The following PPP3CA variants were observed in gnomAD, a reference collection of about 807,000 sequenced individuals.
The protein encoded by PPP3CA is CAM-PRP catalytic subunit.
A neutral mutation model predicts 66.5 loss-of-function variants in PPP3CA; 14 were observed. The observed-to-expected ratio is 0.21, with a 90% CI of 0.14 to 0.33. The LOEUF (loss-of-function observed/expected upper bound fraction) is 0.33, where lower values mean the gene tolerates loss of function less well. Ranked by LOEUF, PPP3CA falls within the 10% of genes least tolerant of loss-of-function variation. PPP3CA has a pLI of 1.00. For missense variants in PPP3CA, 317 were observed against 639.5 expected (o/e 0.50, Z 5.44); for synonymous variants, 232 against 226.2 (o/e 1.03, Z -0.23).
intron 1 of PPP3CA, among the ~76,000 whole-genome samples, chr4:101,311,656 T>C (rs745341699): frequency 1.3e-5 from 2 of 152,200 alleles, no homozygotes; most frequent in African/African-American, 4.8e-5. Flanking sequence ...GGCGTGTGTC[T>C]GTAATCTCAG....
intron 2 of PPP3CA, among the ~76,000 whole-genome samples, chr4:101,161,706 T>G (rs1723514797): frequency 6.6e-6 from 1 of 152,104 alleles, no homozygotes. Flanking sequence ...TCTGAACAAA[T>G]TCAAGTAAAG....
chr4:101,333,799 G>T (rs1729531523), intron 1 of PPP3CA, among the ~76,000 whole-genome samples: 1 of 152,170 alleles, frequency 6.6e-6, no homozygotes, highest in South Asian at 2.1e-4. Flanking sequence ...TATGAAGGCA[G>T]CTTATCACTC....
At chr4:101,059,903 C>G (rs1476915344) in intron 10 of PPP3CA, among the ~76,000 whole-genome samples, 1 of 152,048 alleles carries the variant, frequency 6.6e-6, no homozygotes, top group Non-Finnish European at 1.5e-5. Context: ...CTCCAGACTA[C>G]TTAACAATAC....
chr4:101,177,552 A>C (rs1724102070), intron 2 of PPP3CA, among the ~76,000 whole-genome samples: 1 of 152,134 alleles, frequency 6.6e-6, no homozygotes, highest in Non-Finnish European at 1.5e-5. Flanking sequence ...AATGTCAAGA[A>C]GATCCTAAAC....
At chr4:101,195,567 T>G (rs1327460041) in intron 2 of PPP3CA, among the ~76,000 whole-genome samples, 1 of 152,126 alleles carries the variant, frequency 6.6e-6, no homozygotes, top group African/African-American at 2.4e-5. Context: ...ACTCAACCAT[T>G]GTGGAAGTCT....
In PPP3CA at chr4:101,104,575, G is replaced by A. The variant is rs571492419; in HGVS notation, c.384+4379C>T. On this transcript the variant is annotated intron_variant, in intron 3 of 13. Transcript: ENST00000394854. The stretch of plus-strand genomic sequence containing the variant: ...CTGCCATTTACCACGTGTGACCCCC[G>A]AGCCTCAGTTACTGCACTCATAAAA... Among the ~76,000 whole-genome samples the A allele has an allele frequency of 5.3e-5, 8 of 152,024 alleles. No individual in the cohort carries two copies. The East Asian group carries it at 1.2e-3, about 22-fold the overall frequency.
Position 101,233,946 on chromosome 4 carries a change from T to C in PPP3CA, c.59-37830A>G, listed in dbSNP as rs533501249. The stretch of plus-strand genomic sequence containing the variant: ...TCTGTCTGCTGCTACCCTCTTTGTG[T>C]CCATGTGTTTTCATTATTTAGCTCC... On this transcript the variant is annotated intron_variant, in intron 1 of 13. Transcript: ENST00000394854. 7.2e-5 allele frequency among the ~76,000 whole-genome samples: 11 copies of C among 151,898 alleles called. No homozygotes were observed. In the East Asian group the frequency reaches 2.1e-3, roughly 30 times the overall value.
At chr4:101,262,079 G>A (rs1393724773) in intron 1 of PPP3CA, among the ~76,000 whole-genome samples, 1 of 151,730 alleles carries the variant, frequency 6.6e-6, no homozygotes, top group African/African-American at 2.4e-5. Context: ...CAGGAACTAA[G>A]GTAAATACAA....
chr4:101,206,699 G>T (rs1337459520), intron 1 of PPP3CA, among the ~76,000 whole-genome samples: 1 of 152,186 alleles, frequency 6.6e-6, no homozygotes, highest in African/African-American at 2.4e-5. Flanking sequence ...TCTGGCATTT[G>T]ATATGTGTTT....
chr4:101,222,326 C>T (rs1725652190), intron 1 of PPP3CA, among the ~76,000 whole-genome samples: 2 of 151,616 alleles, frequency 1.3e-5, no homozygotes, highest in South Asian at 4.1e-4. Context: ...ATTCATTTCC[C>T]CACAGAATCA....
Position 101,079,288 on chromosome 4 carries a change from C to T in PPP3CA, c.955+1244G>A, listed in dbSNP as rs1166291716. ...AATTCCAGGAGTTTTCAGACTGGTG[C>T]AGAAACTAGGCTGCCTTTTACCACC... is the stretch of plus-strand genomic sequence containing the variant. On this transcript the variant is annotated intron_variant, in intron 8 of 13. Transcript: ENST00000394854. Among the ~76,000 whole-genome samples the T allele has an allele frequency of 2.0e-5, 3 of 152,090 alleles. No homozygotes were observed. The East Asian group carries it at 5.8e-4, about 29-fold the overall frequency.
chr4:101,185,615 T>G (rs1006363103), intron 2 of PPP3CA, among the ~76,000 whole-genome samples: 2 of 152,196 alleles, frequency 1.3e-5, no homozygotes, highest in Non-Finnish European at 2.9e-5. Flanking sequence ...GTTGAGGGAA[T>G]AATTTGATGC....
intron 1 of PPP3CA, among the ~76,000 whole-genome samples, chr4:101,234,423 CATT>C (rs1449010221): frequency 1.3e-5 from 2 of 151,804 alleles, no homozygotes; most frequent in Non-Finnish European, 2.9e-5. Context: ...AGTTAATAGC[CATT>C]CTGACTGGTG....
At position 101,028,912 on chromosome 4, in the gene PPP3CA, T is replaced by C. The variant is rs72927389; in HGVS notation, c.1369+254A>G. ...CCCACCCCACATCATTCAAAATATA[T>C]AATCCTTTTGTTTTCTGTGATTATA... On this transcript the variant is annotated intron_variant, in intron 13 of 13. Transcript: ENST00000394854. Among the ~76,000 whole-genome samples the C allele has an allele frequency of 2.1e-3, 315 of 152,264 alleles. 1 individual carries two copies. Among genetic ancestry groups the C allele is most frequent in the African/African-American group, 7.3e-3 (302 of 41,550 alleles).
At chr4:101,029,006 A>G (rs922209147) in intron 13 of PPP3CA, among the ~76,000 whole-genome samples, 160 bp downstream of exon 13, 19 of 152,162 alleles carry the variant, frequency 1.2e-4, no homozygotes, top group Non-Finnish European at 2.1e-4. Context: ...CCATAGAAGG[A>G]CATTTTCCCC....
chr4:101,144,585 C>A (rs1722912246), intron 2 of PPP3CA, among the ~76,000 whole-genome samples: 1 of 152,164 alleles, frequency 6.6e-6, no homozygotes, highest in South Asian at 2.1e-4. Flanking sequence ...ATTGTTCTTG[C>A]TTTACACATG....
chr4:101,108,193 A>C (rs914395429), intron 3 of PPP3CA: 4 of 152,196 alleles, frequency 2.6e-5, no homozygotes, highest in Non-Finnish European at 5.9e-5. Context: ...AAAAAGACAA[A>C]ATACAGCAGC....
intron 7 of PPP3CA, among the ~76,000 whole-genome samples, chr4:101,082,668 A>G (rs1560592522): frequency 6.6e-6 from 1 of 152,202 alleles, no homozygotes; most frequent in Non-Finnish European, 1.5e-5. Context: ...TGCTAGTTAG[A>G]ACATAAACTT....
chr4:101,044,803 C>T (rs1727687538), intron 10 of PPP3CA, among the ~76,000 whole-genome samples: 1 of 152,172 alleles, frequency 6.6e-6, no homozygotes, highest in South Asian at 2.1e-4. Context: ...TAATACATAT[C>T]CTTCTTGCCC....
Sources: gnomAD v4.1 joint callset for allele counts (sites outside exome capture counted in the v4.1 genomes callset) on GRCh38, gnomAD v4.1.1 for gene constraint, MANE v1.5 for transcripts, NCBI Gene and HGNC (gene_info 2026-07-23, HGNC 2026-07-21) for gene names.